PRKG1: variants seen among roughly 807,000 people sequenced by gnomAD.
The protein encoded by PRKG1 is protein kinase cGMP-dependent 1.
PRKG1 carries 35 observed loss-of-function variants against 88.1 expected under a neutral mutation model. The observed-to-expected ratio is 0.40, with a 90% CI of 0.30 to 0.53. The LOEUF (loss-of-function observed/expected upper bound fraction) is 0.53. Ranked by LOEUF, PRKG1 falls within the 20% of genes least tolerant of loss-of-function variation. PRKG1 has a pLI of 0.59. For missense variants in PRKG1, 540 were observed against 839.8 expected (o/e 0.64, Z 4.41); for synonymous variants, 303 against 292.5 (o/e 1.04, Z -0.37).
intron 10 of PRKG1, among the ~76,000 whole-genome samples, chr10:52,265,288 TCTC>T (rs565584715): frequency 6.6e-6 from 1 of 152,162 alleles, no homozygotes; most frequent in African/African-American, 2.4e-5. Flanking sequence ...GGAGTACCCT[TCTC>T]CTGCTGTGCA....
chr10:51,093,710 A>G (rs1844452522), intron 1 of PRKG1, among the ~76,000 whole-genome samples: 1 of 146,118 alleles, frequency 6.8e-6, no homozygotes, highest in Non-Finnish European at 1.5e-5. Context: ...TATACTATAT[A>G]TAAATACATG....
chr10:52,242,541 A>G (rs1308851399), intron 9 of PRKG1, among the ~76,000 whole-genome samples: 1 of 152,216 alleles, frequency 6.6e-6, no homozygotes, highest in African/African-American at 2.4e-5. Flanking sequence ...AACATATACC[A>G]AAAGGGAGAA....
intron 1 of PRKG1, among the ~76,000 whole-genome samples, chr10:51,078,847 A>AC (rs1844035866): frequency 6.6e-6 from 1 of 151,780 alleles, no homozygotes; most frequent in Admixed American, 6.6e-5. Flanking sequence ...TGATCTCCTG[A>AC]CCTCATGATC....
intron 3 of PRKG1, among the ~76,000 whole-genome samples, chr10:51,667,783 A>C (rs1840459674): frequency 6.6e-6 from 1 of 152,182 alleles, no homozygotes; most frequent in Non-Finnish European, 1.5e-5. Context: ...CAAAGATTCC[A>C]GGCTCAGGCA....
intron 3 of PRKG1, among the ~76,000 whole-genome samples, chr10:51,681,543 C>G (rs1022717701): frequency 7.2e-5 from 11 of 152,230 alleles, no homozygotes; most frequent in African/African-American, 2.4e-4. Flanking sequence ...AAAAACCCCT[C>G]AGATTTCTCT....
chr10:51,976,141 T>C (rs933830995), intron 5 of PRKG1, among the ~76,000 whole-genome samples: 5 of 151,980 alleles, frequency 3.3e-5, no homozygotes, highest in East Asian at 1.9e-4. Flanking sequence ...TGTGGATAAA[T>C]TGTGACCCTC....
At chr10:52,195,157 T>C (rs1024119446) in intron 9 of PRKG1, among the ~76,000 whole-genome samples, 1 of 152,126 alleles carries the variant, frequency 6.6e-6, no homozygotes, top group South Asian at 2.1e-4. Flanking sequence ...GAAAGAGAGA[T>C]GTATGCAAAA....
intron 2 of PRKG1, among the ~76,000 whole-genome samples, chr10:51,361,695 G>A (rs1021297812): frequency 1.3e-5 from 2 of 151,648 alleles, no homozygotes; most frequent in African/African-American, 4.8e-5. Context: ...TTACCTATTA[G>A]CCACTGCTTG....
At chr10:51,430,905 G>A (rs575111634) in intron 2 of PRKG1, among the ~76,000 whole-genome samples, 2 of 152,278 alleles carry the variant, frequency 1.3e-5, no homozygotes, top group African/African-American at 4.8e-5. Context: ...AGACAAAAAA[G>A]CAGATCAATG....
At chr10:51,262,632 A>C (rs1482871120) in intron 2 of PRKG1, among the ~76,000 whole-genome samples, 2 of 152,234 alleles carry the variant, frequency 1.3e-5, no homozygotes, top group East Asian at 3.8e-4. Flanking sequence ...GTCGTTTATA[A>C]AGAAAAGAGG....
At chr10:51,725,100 A>T (rs978163948) in intron 3 of PRKG1, among the ~76,000 whole-genome samples, 1 of 152,142 alleles carries the variant, frequency 6.6e-6, no homozygotes, top group Non-Finnish European at 1.5e-5. Flanking sequence ...ATGAATTACA[A>T]TTGAATCCCC....
At chr10:52,212,745 A>T (rs1840012398) in intron 9 of PRKG1, among the ~76,000 whole-genome samples, 1 of 152,080 alleles carries the variant, frequency 6.6e-6, no homozygotes, top group Non-Finnish European at 1.5e-5. Flanking sequence ...ACCTCAATCC[A>T]CGTTTTGGCT....
chr10:52,153,175 G>A (rs185104804), intron 8 of PRKG1, among the ~76,000 whole-genome samples: 1 of 152,214 alleles, frequency 6.6e-6, no homozygotes, highest in Admixed American at 6.5e-5. Flanking sequence ...GTGGACAGAT[G>A]TTTTTGTAAA....
chr10:51,243,179 C>T lies in PRKG1; in HGVS notation c.478+89849C>T, dbSNP rs548959497. ...ACTGTGTTCATCCTTTCTTTCCTGACTTGGATGATGTATCAGTGAGAGAGC... is the reference window on the plus strand; with the variant it reads ...ACTGTGTTCATCCTTTCTTTCCTGATTTGGATGATGTATCAGTGAGAGAGC... On this transcript the variant is annotated intron_variant, in intron 2 of 17. Coordinates refer to ENST00000373980, the MANE Select transcript of PRKG1 (RefSeq NM_006258.4). 4.6e-5 allele frequency among the ~76,000 whole-genome samples: 7 copies of T among 152,236 alleles called. No individual in the cohort carries two copies. In the South Asian group the frequency reaches 1.5e-3, roughly 32 times the overall value.
At chr10:51,335,914 G>C (rs1841864712) in intron 2 of PRKG1, among the ~76,000 whole-genome samples, 1 of 152,178 alleles carries the variant, frequency 6.6e-6, no homozygotes, top group Admixed American at 6.5e-5. Context: ...AGTCAATTAT[G>C]TAGAAACTTC....
intron 3 of PRKG1, among the ~76,000 whole-genome samples, chr10:51,517,855 G>C (rs1564531691): frequency 6.6e-6 from 1 of 152,166 alleles, no homozygotes; most frequent in South Asian, 2.1e-4. Flanking sequence ...CCCAGCTAGG[G>C]ATTGAGCTGA....
intron 1 of PRKG1, among the ~76,000 whole-genome samples, chr10:51,001,262 C>T (rs1405165518): frequency 2.6e-5 from 4 of 152,172 alleles, no homozygotes; most frequent in African/African-American, 9.7e-5. Flanking sequence ...GTCTCCACAG[C>T]GAGGCCTCTC....
rs187867910 is a variant in PRKG1 at position 52,133,507 on chromosome 10, G to A, written c.936-333G>A. Among the ~76,000 whole-genome samples, 619 of 152,188 alleles carry A rather than the reference G, an allele frequency of 4.1e-3. 3 individuals are homozygous for A. Among genetic ancestry groups the A allele is most frequent in the Non-Finnish European group, 4.7e-3 (316 of 67,946 alleles). On this transcript the variant is annotated intron_variant, in intron 7 of 17. Transcript: ENST00000373980. ...AGCTTCAAATTCTTTAAAAACTTTT[G>A]CATATTTATGTTTGTTACTATCTTG...
At chr10:52,156,173 T>C (rs10740428) in intron 8 of PRKG1, among the ~76,000 whole-genome samples, 110,238 of 151,258 alleles carry the variant, frequency 0.73, 40,867 homozygotes, top group South Asian at 0.83. Flanking sequence ...AAGTGTCTCT[T>C]GCAAATATAA....
Sources: gnomAD v4.1 joint callset for allele counts (sites outside exome capture counted in the v4.1 genomes callset) on GRCh38, gnomAD v4.1.1 for gene constraint, MANE v1.5 for transcripts, NCBI Gene and HGNC (gene_info 2026-07-23, HGNC 2026-07-21) for gene names.